Variants in SBK1 observed in about 807,000 individuals in gnomAD.
The protein encoded by SBK1 is SH3 domain binding kinase 1.
SBK1 carries 11 observed loss-of-function variants against 24.4 expected under a neutral mutation model. The observed-to-expected ratio is 0.45, with a 90% confidence interval of 0.28 to 0.75. The LOEUF (loss-of-function observed/expected upper bound fraction) is 0.75, where lower values mean the gene tolerates loss of function less well. Ranked by LOEUF, SBK1 falls within the 30% of genes least tolerant of loss-of-function variation. The probability of loss-of-function intolerance (pLI) is 0.12; values close to 1 mark genes in which losing one functional copy is unlikely to be tolerated. For synonymous variants in SBK1, 308 were observed against 284.4 expected (o/e 1.08, Z -0.83); for missense variants, 467 against 620.5 (o/e 0.75, Z 2.63).
chr16:28,318,846 C>A (rs956890826), intron 2 of SBK1, 149 bp from the exon 3 acceptor site: 1 of 699,422 alleles, frequency 1.4e-6, no homozygotes, highest in Admixed American at 2.2e-5. Context: ...GTCCTTTCCT[C>A]TCTCTGGGTC....
Position 28,317,668 on chromosome 16 carries a change from G to A in SBK1, c.226+51G>A, listed in dbSNP as rs778483941. 3 of 1,248,612 alleles carry A rather than the reference G, an allele frequency of 2.4e-6. No individual in the cohort carries two copies. The highest frequency in any genetic ancestry group is 2.3e-6 in the Non-Finnish European group (2 of 852,814). 77.3% of individuals were successfully genotyped at this position (1,248,612 alleles called of 1,614,324 possible). ...TGAGAGGTTGGGGTGGGGCAGGGCT[G>A]GGAGGTCAGGGTTGGGGGACATGAC... On this transcript the variant is annotated intron_variant, in intron 2 of 3. Transcript: ENST00000341901. This position sits in a 1 kb window ranked among gnomAD's most constrained non-coding sequence, Gnocchi z 4.2.
At chr16:28,280,779 C>T (rs966772303) in intron 1 of SBK1, among the ~76,000 whole-genome samples, 1 of 152,186 alleles carries the variant, frequency 6.6e-6, no homozygotes, top group Non-Finnish European at 1.5e-5. Context: ...ATTCTCCTGG[C>T]TCAGCCTCCT....
In SBK1 at chr16:28,292,915, GC is replaced by G. The variant is rs2044611555; in HGVS notation, c.-388del. 2 of 974,054 alleles carry G rather than the reference GC, an allele frequency of 2.1e-6. No homozygotes were observed. The highest frequency in any genetic ancestry group is 2.4e-6 in the Non-Finnish European group (2 of 820,792). 60.3% of individuals were successfully genotyped at this position (974,054 alleles called of 1,614,324 possible). ...CAAGGACTCCCCCTCCTCAGTCTGG[GC>G]CCCCGCCCCAAGACCTAGAACGCAG... On this transcript the variant is annotated 5_prime_UTR_variant, in exon 1 of 4. Coordinates refer to ENST00000341901, the MANE Select transcript of SBK1 (RefSeq NM_001024401.3).
chr16:28,304,388 G>A (rs1170240572), intron 1 of SBK1, among the ~76,000 whole-genome samples: 1 of 152,124 alleles, frequency 6.6e-6, no homozygotes, highest in Non-Finnish European at 1.5e-5. Context: ...CTGCGAACCA[G>A]AGACCAAGAA....
chr16:28,267,406 T>C (rs2044436246), intron 1 of SBK1, among the ~76,000 whole-genome samples: 1 of 152,216 alleles, frequency 6.6e-6, no homozygotes, highest in South Asian at 2.1e-4. Context: ...ACAATTCATG[T>C]GATTAGATTG....
intron 1 of SBK1, among the ~76,000 whole-genome samples, chr16:28,309,493 G>T (rs2044739611): frequency 6.6e-6 from 1 of 152,186 alleles, no homozygotes; most frequent in African/African-American, 2.4e-5. Flanking sequence ...GCATCACTCA[G>T]TTGTGGCGAT....
intron 1 of SBK1, among the ~76,000 whole-genome samples, chr16:28,261,284 C>T (rs896967552): frequency 7.2e-5 from 11 of 152,048 alleles, no homozygotes; most frequent in Admixed American, 2.0e-4. Context: ...AATGAATGAA[C>T]GAATATGACA....
intron 1 of SBK1, among the ~76,000 whole-genome samples, chr16:28,300,018 A>G (rs868810591): frequency 3.3e-5 from 5 of 152,224 alleles, no homozygotes; most frequent in Middle Eastern, 3.4e-3. Flanking sequence ...CCTCCCACCC[A>G]CAATTCCCTT....
intron 1 of SBK1, among the ~76,000 whole-genome samples, chr16:28,312,336 C>T (rs1011976233): frequency 2.6e-5 from 4 of 152,232 alleles, no homozygotes; most frequent in African/African-American, 9.6e-5. Flanking sequence ...TCGGAAGCCT[C>T]ATCACCCCGT....
chr16:28,265,888 A>G (rs2044425015), intron 1 of SBK1, among the ~76,000 whole-genome samples: 1 of 151,794 alleles, frequency 6.6e-6, no homozygotes, highest in African/African-American at 2.4e-5. Flanking sequence ...GCAGGAGAAT[A>G]GCTTGAACCT....
intron 1 of SBK1, among the ~76,000 whole-genome samples, chr16:28,269,164 G>T (rs1428689551): frequency 2.0e-5 from 3 of 151,414 alleles, no homozygotes; most frequent in Non-Finnish European, 4.4e-5. Flanking sequence ...CTCCTGAGTA[G>T]CTGGGATTAA....
intron 1 of SBK1, among the ~76,000 whole-genome samples, chr16:28,297,719 G>A (rs1211786183): frequency 1.3e-5 from 2 of 152,198 alleles, no homozygotes; most frequent in African/African-American, 2.4e-5. Context: ...TATCAAAAAT[G>A]CTCACTAACT....
At chr16:28,313,152 G>A (rs980631229) in intron 1 of SBK1, among the ~76,000 whole-genome samples, 3 of 152,062 alleles carry the variant, frequency 2.0e-5, no homozygotes, top group Non-Finnish European at 4.4e-5. Context: ...AAAATTATCT[G>A]GGCGTGGTGG....
chr16:28,259,560 G>C lies in SBK1; in HGVS notation c.257+58G>C, dbSNP rs747686224. 1.8e-4 allele frequency: 81 copies of C among 458,090 alleles called. No homozygotes were observed. Among genetic ancestry groups the C allele is most frequent in the Non-Finnish European group, 2.2e-4 (78 of 348,040 alleles). 28.4% of individuals were successfully genotyped at this position (458,090 alleles called of 1,614,324 possible). A position where few individuals can be genotyped will look rare whatever the true frequency, so the allele number is the denominator to read the frequency against. On this transcript the variant is annotated intron_variant, in intron 1 of 3. Transcript: ENST00000671413. This position sits in a 1 kb window ranked among gnomAD's most constrained non-coding sequence, Gnocchi z 6.0. ...GCAGGTGGGCACAGCGCTCGACCCA[G>C]GGTGCCTGTGGGCCTGGCAGTCTTG...
At chr16:28,299,480 A>G (rs2141579916) in intron 1 of SBK1, among the ~76,000 whole-genome samples, 1 of 152,204 alleles carries the variant, frequency 6.6e-6, no homozygotes, top group South Asian at 2.1e-4. Flanking sequence ...AGGCCAGTCA[A>G]ATGGACCTGA....
At chr16:28,304,409 G>C (rs962251096) in intron 1 of SBK1, among the ~76,000 whole-genome samples, 6 of 152,106 alleles carry the variant, frequency 3.9e-5, no homozygotes, top group Non-Finnish European at 8.8e-5. Context: ...TAGAGAAGGG[G>C]AGATAGAGCA....
chr16:28,295,663 C>T (rs1367461194), intron 1 of SBK1, among the ~76,000 whole-genome samples: 4 of 152,036 alleles, frequency 2.6e-5, no homozygotes, highest in Non-Finnish European at 4.4e-5. Flanking sequence ...TTTTGTTGGT[C>T]CAATGTATTT....
chr16:28,279,960 G>A (rs1015889170), intron 1 of SBK1, among the ~76,000 whole-genome samples: 2 of 151,448 alleles, frequency 1.3e-5, no homozygotes, highest in African/African-American at 4.9e-5. Flanking sequence ...GGGTCCCAGA[G>A]TCAGGGGCTC....
upstream of SBK1, among the ~76,000 whole-genome samples, chr16:28,289,658 T>C (rs2044587066): frequency 6.6e-6 from 1 of 151,374 alleles, no homozygotes; most frequent in Non-Finnish European, 1.5e-5. Flanking sequence ...TCCCAACTAC[T>C]TGGGAGGCTG....
Sources: gnomAD v4.1 joint callset for allele counts (sites outside exome capture counted in the v4.1 genomes callset) on GRCh38, gnomAD v4.1.1 for gene constraint, Gnocchi (gnomAD v3.1) non-coding constraint, MANE v1.5 for transcripts, NCBI Gene and HGNC (gene_info 2026-07-23, HGNC 2026-07-21) for gene names.